PPP2R3B: variants seen among roughly 807,000 people sequenced by gnomAD.
The protein encoded by PPP2R3B is protein phosphatase 2 regulatory subunit B''beta, also known as serine/threonine-protein phosphatase 2A regulatory subunit B'' subunit beta.
Under a neutral mutation model 72.9 loss-of-function variants are expected in PPP2R3B, and 68 were observed. That is an observed-to-expected ratio of 0.93 (90% CI 0.77 to 1.14). PPP2R3B has a LOEUF of 1.14. Ranked by LOEUF, PPP2R3B falls within the 50% of genes most tolerant of loss-of-function variation. The pLI, the probability that PPP2R3B is intolerant of heterozygous loss-of-function variation, is 0.00. For missense variants in PPP2R3B, 1,018 were observed against 842.0 expected (o/e 1.21, Z -2.59); for synonymous variants, 466 against 375.8 (o/e 1.24, Z -2.78).
chrX:341,263 C>T lies in PPP2R3B; in HGVS notation c.1175+44G>A, dbSNP rs374137173. ...GGACACATGTCACATGGGCGGCTCC[C>T]GGCCCCTCCACTGGGACAAACGCAT... On this transcript the variant is annotated intron_variant, in intron 9 of 12. Transcript: ENST00000390665. 45 of 1,600,326 alleles carry T rather than the reference C, an allele frequency of 2.8e-5. No homozygotes were observed. In the African/African-American group the frequency reaches 3.5e-4, roughly 12 times the overall value.
chrX:346,409 G>C (rs1192227798), intron 5 of PPP2R3B, 149 bp from the exon 6 acceptor site: 1 of 756,114 alleles, frequency 1.3e-6, no homozygotes. Flanking sequence ...GAAGGGCCCT[G>C]CGGGAGGCGC....
At chrX:346,971 C>T (rs1338163788) in intron 4 of PPP2R3B, among the ~76,000 whole-genome samples, 196 bp from the exon 5 acceptor site, 3 of 148,316 alleles carry the variant, frequency 2.0e-5, no homozygotes, top group African/African-American at 7.5e-5. Context: ...GGTGTAGACG[C>T]GGGCCCTCCC....
intron 7 of PPP2R3B, among the ~76,000 whole-genome samples, chrX:344,159 G>A (rs1478669513): frequency 5.4e-5 from 5 of 93,138 alleles, no homozygotes; most frequent in Non-Finnish European, 9.8e-5. Context: ...AACGGGAGGC[G>A]GGAGGGAGAC....
intron 8 of PPP2R3B, 164 bp downstream of exon 8, chrX:341,719 A>G: frequency 1.3e-6 from 1 of 780,534 alleles, no homozygotes; most frequent in East Asian, 2.6e-5. Context: ...ACCCCCCCCC[A>G]CTAGGGATTC....
intron 2 of PPP2R3B, among the ~76,000 whole-genome samples, chrX:350,486 C>T (rs765025355): frequency 2.6e-5 from 4 of 152,298 alleles, no homozygotes; most frequent in South Asian, 2.1e-4. Flanking sequence ...GAGATTCTGA[C>T]GAGGGACTCA....
intron 1 of PPP2R3B, among the ~76,000 whole-genome samples, chrX:380,030 G>A (rs1020057205): frequency 2.6e-5 from 4 of 152,068 alleles, no homozygotes; most frequent in Admixed American, 1.3e-4. Flanking sequence ...TTCAATATAC[G>A]GTGCTGGGGT....
chrX:359,087 G>T (rs1246682439), intron 2 of PPP2R3B, among the ~76,000 whole-genome samples: 2 of 152,340 alleles, frequency 1.3e-5, no homozygotes, highest in Middle Eastern at 3.4e-3. Context: ...GACCCGAAGC[G>T]GACGCAGCGC....
At chrX:374,498 G>A (rs538708379) in intron 1 of PPP2R3B, among the ~76,000 whole-genome samples, 1 of 152,328 alleles carries the variant, frequency 6.6e-6, no homozygotes, top group African/African-American at 2.4e-5. Flanking sequence ...GTTTGCAATC[G>A]TATTTAGAAC....
rs1252027902 is a variant in PPP2R3B at position 347,909 on chromosome X, G to A, written c.511-216C>T. ...AGCTGAGCGTGGGAGTGCCGGGCACGCAGTATCCCCTGACCACAGACCACG... is the reference window on the plus strand; with the variant it reads ...AGCTGAGCGTGGGAGTGCCGGGCACACAGTATCCCCTGACCACAGACCACG... On this transcript the variant is annotated intron_variant, in intron 2 of 12. Coordinates refer to ENST00000390665, the MANE Select transcript of PPP2R3B (RefSeq NM_013239.5). 1.4e-4 allele frequency: 77 copies of A among 544,878 alleles called. 1 individual carries two copies. The highest frequency in any genetic ancestry group is 2.3e-4 in the Non-Finnish European group (71 of 311,976). The allele number at this position is 544,878 out of a possible 1,614,324, so 33.8% of individuals were successfully genotyped here. A position where few individuals can be genotyped will look rare whatever the true frequency, so the allele number is the denominator to read the frequency against.
chrX:347,445 G>C (rs1569388510), intron 3 of PPP2R3B, 109 bp from the exon 4 acceptor site: 2 of 1,351,602 alleles, frequency 1.5e-6, no homozygotes, highest in East Asian at 4.6e-5. Context: ...GTGGCAGGTG[G>C]CCACACACGA....
At position 341,324 on chromosome X, in the gene PPP2R3B, G is replaced by A. The variant is rs1253425715; in HGVS notation, c.1158C>T (p.Asp386=). The A allele has an allele frequency of 1.9e-6, 3 of 1,611,346 alleles. No homozygotes were observed. In the African/African-American group the frequency reaches 4.0e-5, roughly 22 times the overall value. ...DFVWFLISEE[D]KKTPTSIEYW... is the part of the protein sequence containing the mutation. Reference sequence around the variant, plus strand: ...GAACCCACCTGGTCGGTGTTTTTTTGTCTTCCTCAGAGATCAAAAACCAGA... The same window carrying A: ...GAACCCACCTGGTCGGTGTTTTTTTATCTTCCTCAGAGATCAAAAACCAGA... Residue 386 remains aspartate (D), a synonymous_variant, in exon 9 of 13, where the codon GAC becomes GAT. Transcript: ENST00000390665.
At chrX:345,747 G>T in intron 6 of PPP2R3B, 75 bp from the exon 7 acceptor site, 1 of 1,530,994 alleles carries the variant, frequency 6.5e-7, no homozygotes, top group African/African-American at 1.4e-5. Context: ...TGCGGGCGGG[G>T]CAGGGAAGGC....
intron 1 of PPP2R3B, among the ~76,000 whole-genome samples, chrX:383,386 T>C (rs2072166162): frequency 1.3e-5 from 2 of 152,056 alleles, no homozygotes; most frequent in South Asian, 4.2e-4. Flanking sequence ...TTTCAAATGG[T>C]ATAAACAAGT....
chrX:346,715 G>A lies in PPP2R3B; in HGVS notation c.778C>T (p.Arg260Cys), dbSNP rs745317504. 6.2e-7 allele frequency: 1 copy of A among 1,609,728 alleles called. No individual in the cohort carries two copies. The highest frequency in any genetic ancestry group is 2.2e-5 in the East Asian group (1 of 44,836). ...TGGGGACCCACCGTGGTGATGTAGC[G>A]CGAGTGGAACTCGGACGCCTCCTTC... is the stretch of plus-strand genomic sequence containing the variant. The part of the protein sequence containing the change: ...FLKEASEFHS[R>C]YITTVIQRIF... Residue 260 changes from arginine to cysteine, a missense_variant, in exon 5 of 13, where the codon CGC (arginine) becomes TGC (cysteine). Physicochemically the swap from Arg to Cys is radical, Grantham distance 180. Transcript: ENST00000390665.
At chrX:373,687 CGGGCCGGGCGCCGCGCTCTCGGGGCA>C (rs776858911) in intron 1 of PPP2R3B, 419 of 167,272 alleles carry the variant, frequency 2.5e-3, no homozygotes, top group South Asian at 8.5e-3. Context: ...CTCCGCGGGC[CGGGCCGGGCGCCGCGCTCTCGGGGCA>C]GGGCCGGGCC....
rs765937947 is a variant in PPP2R3B, at chrX:340,796, C to G, written c.1320G>C (p.Gln440His). ...EALPFQDCLC[Q>H]MLDLVKPRTE... ...TCCTCGGCTTGACCAGGTCCAGCAT[C>G]TGGCAGAGGCAGTCCTGGAAGGGCA... Residue 440 changes from glutamine (Q) to histidine (H), a missense_variant, in exon 10 of 13, where the codon CAG (glutamine) becomes CAC (histidine). Physicochemically the swap from Gln to His is conservative, Grantham distance 24. Transcript: ENST00000390665. 1 of 1,606,214 alleles carries G rather than the reference C, an allele frequency of 6.2e-7. No homozygotes were observed. Among genetic ancestry groups the G allele is most frequent in the South Asian group, 1.1e-5 (1 of 90,886 alleles).
intron 7 of PPP2R3B, chrX:345,106 C>G (rs1185191484): frequency 2.1e-6 from 1 of 475,404 alleles, no homozygotes; most frequent in Admixed American, 2.4e-5. Flanking sequence ...AAGCCTGGGG[C>G]TCCACCTAGC....
chrX:363,574 A>G (rs1318068766), intron 1 of PPP2R3B, among the ~76,000 whole-genome samples: 30 of 139,746 alleles, frequency 2.1e-4, no homozygotes, highest in Admixed American at 9.9e-4. Flanking sequence ...CCATGAGTCC[A>G]CGATCCCACA....
chrX:340,978 C>CCCT (rs1229673720), intron 9 of PPP2R3B, 38 bp from the exon 10 acceptor site: 1 of 1,595,668 alleles, frequency 6.3e-7, no homozygotes, highest in Admixed American at 1.7e-5. Context: ...CTGCCCTGGG[C>CCCT]CCTCCCAGCC....
Sources: allele counts gnomAD v4.1 joint callset (sites outside exome capture counted in the v4.1 genomes callset), GRCh38; gene constraint gnomAD v4.1.1; transcripts MANE v1.5; gene names NCBI Gene and HGNC (gene_info 2026-07-23, HGNC 2026-07-21).